Variants in GNG12 observed in about 807,000 individuals in gnomAD.
GNG12 encodes the protein G protein subunit gamma 12, also known as guanine nucleotide-binding protein G(I)/G(S)/G(O) subunit gamma-12.
For missense variants in GNG12, 69 were observed against 83.8 expected (o/e 0.82, Z 0.69); for synonymous variants, 28 against 29.7 (o/e 0.94, Z 0.19).
rs1377835604 is a variant in GNG12, at chr1:67,773,285, A to G, written c.-27+4173T>C. On this transcript the variant is annotated intron_variant, in intron 2 of 3. Transcript: ENST00000370982. ...AAGTCTAGGCTTAACATTATTCCCT[A>G]TCATTCTCGGCACCAATGGTTCATC... Among the ~76,000 whole-genome samples the G allele has an allele frequency of 3.3e-5, 5 of 152,258 alleles. No homozygotes were observed. The East Asian group carries it at 7.7e-4, about 24-fold the overall frequency.
intron 2 of GNG12, among the ~76,000 whole-genome samples, chr1:67,737,808 T>C (rs542424342): frequency 1.1e-4 from 17 of 152,320 alleles, no homozygotes; most frequent in Admixed American, 5.2e-4. Context: ...CAGTTTATTG[T>C]CAATATGTGG....
intron 2 of GNG12, among the ~76,000 whole-genome samples, chr1:67,746,127 G>C (rs1041063800): frequency 1.3e-5 from 2 of 152,154 alleles, no homozygotes; most frequent in African/African-American, 4.8e-5. Context: ...TGGGGAGGTG[G>C]TTTGGGTGGA....
At chr1:67,806,846 A>G (rs1646896805) in intron 1 of GNG12, among the ~76,000 whole-genome samples, 1 of 152,218 alleles carries the variant, frequency 6.6e-6, no homozygotes, top group Admixed American at 6.5e-5. Context: ...GGAGATTTCA[A>G]TGCCCTTCTA....
intron 1 of GNG12, among the ~76,000 whole-genome samples, chr1:67,801,277 T>A (rs77994840): frequency 0.023 from 3,459 of 152,338 alleles, 48 homozygotes; most frequent in African/African-American, 0.04. Flanking sequence ...CTCATGAATA[T>A]GTGGAACTCT....
chr1:67,802,207 A>G lies in GNG12; in HGVS notation c.-76-24700T>C, dbSNP rs567725807. Among the ~76,000 whole-genome samples the G allele has an allele frequency of 3.0e-4, 45 of 152,320 alleles. No homozygotes were observed. The South Asian group carries it at 8.9e-3, about 30-fold the overall frequency. On this transcript the variant is annotated intron_variant, in intron 1 of 3. Transcript: ENST00000370982. ...CTGGTACTGTAGCTACCAAAGGGCA[A>G]AGACCTGGAGGTTCTCTAAAGGGAA... is the stretch of plus-strand genomic sequence containing the variant.
chr1:67,711,299 G>A (rs1646294174), intron 2 of GNG12, among the ~76,000 whole-genome samples: 1 of 152,106 alleles, frequency 6.6e-6, no homozygotes, highest in African/African-American at 2.4e-5. Context: ...AAATTAACCT[G>A]ACATATAAAC....
intron 1 of GNG12, among the ~76,000 whole-genome samples, chr1:67,787,448 G>T (rs1384468217): frequency 6.6e-6 from 1 of 152,070 alleles, no homozygotes; most frequent in Non-Finnish European, 1.5e-5. Context: ...GTTCTCAAGT[G>T]GAGTCCTTAT....
chr1:67,766,389 C>T (rs986868220), intron 2 of GNG12, among the ~76,000 whole-genome samples: 1 of 152,098 alleles, frequency 6.6e-6, no homozygotes, highest in African/African-American at 2.4e-5. Flanking sequence ...GGGGTCTTTC[C>T]GCGCTCCTGC....
intron 2 of GNG12, among the ~76,000 whole-genome samples, chr1:67,754,401 C>T (rs942907115): frequency 1.8e-4 from 28 of 152,180 alleles, no homozygotes. Context: ...CAGAGTCGTT[C>T]TGGACTCCCC....
chr1:67,765,983 C>G (rs1646634699), intron 2 of GNG12, among the ~76,000 whole-genome samples: 1 of 152,130 alleles, frequency 6.6e-6, no homozygotes, highest in African/African-American at 2.4e-5. Context: ...ATAAATGTAA[C>G]AGCTGTGAGC....
chr1:67,787,912 C>G (rs1157873552), intron 1 of GNG12, among the ~76,000 whole-genome samples: 1 of 152,198 alleles, frequency 6.6e-6, no homozygotes, highest in East Asian at 1.9e-4. Context: ...TACTGAAAGT[C>G]TCATGTCCCA....
At chr1:67,815,574 C>T (rs992814706) in intron 1 of GNG12, among the ~76,000 whole-genome samples, 3 of 152,156 alleles carry the variant, frequency 2.0e-5, no homozygotes, top group Non-Finnish European at 4.4e-5. Context: ...GAAATGGAAG[C>T]GGTGACGTTC....
chr1:67,820,152 G>A (rs1646976806), intron 1 of GNG12, among the ~76,000 whole-genome samples: 1 of 152,026 alleles, frequency 6.6e-6, no homozygotes, highest in East Asian at 1.9e-4. Flanking sequence ...ACTTTGGGAG[G>A]CCGAGGTGGG....
At chr1:67,792,504 A>G (rs1214184625) in intron 1 of GNG12, among the ~76,000 whole-genome samples, 1 of 152,034 alleles carries the variant, frequency 6.6e-6, no homozygotes, top group Admixed American at 6.6e-5. Flanking sequence ...GATATATAAA[A>G]CCTCATGGCT....
chr1:67,788,298 C>T (rs547657460), intron 1 of GNG12, among the ~76,000 whole-genome samples: 1 of 152,208 alleles, frequency 6.6e-6, no homozygotes, highest in Admixed American at 6.5e-5. Context: ...TGAAAGTTAA[C>T]CAAATATCTT....
At chr1:67,815,208 A>C (rs1297617984) in intron 1 of GNG12, among the ~76,000 whole-genome samples, 3 of 152,232 alleles carry the variant, frequency 2.0e-5, no homozygotes, top group African/African-American at 4.8e-5. Flanking sequence ...AATCGTTTCT[A>C]TGAATGAGAA....
rs183287675 is a variant in GNG12, at chr1:67,759,102, T to C, written c.-27+18356A>G. Among the ~76,000 whole-genome samples the C allele has an allele frequency of 3.9e-4, 60 of 152,346 alleles. 1 individual carries two copies. The highest frequency in any genetic ancestry group is 3.4e-3 in the Middle Eastern group (1 of 294). On this transcript the variant is annotated intron_variant, in intron 2 of 3. Transcript: ENST00000370982. ...CAGCCCAATTACCCTGATTTGATCA[T>C]TATACATTGTATACATGATCAAAAT...
intron 1 of GNG12, among the ~76,000 whole-genome samples, chr1:67,780,324 T>G (rs939003666): frequency 6.6e-6 from 1 of 152,090 alleles, no homozygotes; most frequent in African/African-American, 2.4e-5. Context: ...ACCCAGACAA[T>G]TTGGTTCTAG....
intron 2 of GNG12, among the ~76,000 whole-genome samples, chr1:67,750,828 C>T (rs996284424): frequency 6.6e-6 from 1 of 152,148 alleles, no homozygotes; most frequent in African/African-American, 2.4e-5. Flanking sequence ...GCAGGATAAA[C>T]TCTAGTTCTT....
Sources: allele counts gnomAD v4.1 joint callset (sites outside exome capture counted in the v4.1 genomes callset), GRCh38; gene constraint gnomAD v4.1.1; transcripts MANE v1.5; gene names NCBI Gene and HGNC (gene_info 2026-07-23, HGNC 2026-07-21).